EPHB1: variants seen among roughly 807,000 people sequenced by gnomAD.
EPHB1 encodes the protein ephrin type-B receptor 1.
EPHB1 carries 30 observed loss-of-function variants against 94.4 expected under a neutral mutation model. That is an observed-to-expected ratio of 0.32 (90% CI 0.24 to 0.43). The LOEUF is 0.43. Among genes scored for constraint, EPHB1 ranks in the 20% least tolerant of loss-of-function variants. The pLI is 1.00. For synonymous variants in EPHB1, 522 were observed against 489.1 expected (o/e 1.07, Z -0.89); for missense variants, 1,055 against 1,308.3 (o/e 0.81, Z 2.99).
At chr3:135,152,172 A>G (rs147153029) in intron 5 of EPHB1, among the ~76,000 whole-genome samples, 98 of 152,260 alleles carry the variant, frequency 6.4e-4, no homozygotes, top group Middle Eastern at 3.4e-3. Context: ...TTTTTTCAGC[A>G]GGAATAGCTC....
Position 135,162,159 on chromosome 3 carries a change from T to G in EPHB1, c.1564T>G (p.Cys522Gly). ...CTACGGCAAGTTCAGTGGCAAGATG[T>G]GCTTCCAGACTCTGACTGACGGTAA... is the stretch of plus-strand genomic sequence containing the variant. ...AGYGKFSGKM[C>G]FQTLTDDDYK... Residue 522 changes from cysteine to glycine, a missense_variant, in exon 7 of 16, where the codon TGC (cysteine) becomes GGC (glycine). Transcript: ENST00000398015. 1 of 1,608,708 alleles carries G rather than the reference T, an allele frequency of 6.2e-7. No homozygotes were observed. Among genetic ancestry groups the G allele is most frequent in the Non-Finnish European group, 8.5e-7 (1 of 1,176,930 alleles).
intron 6 of EPHB1, among the ~76,000 whole-genome samples, chr3:135,155,391 A>G (rs375793986): frequency 1.1e-4 from 17 of 152,256 alleles, no homozygotes; most frequent in Middle Eastern, 3.4e-3. Flanking sequence ...GTCCTGAGGC[A>G]TGATCATGAC....
At chr3:134,919,212 T>C (rs2038628867) in intron 1 of EPHB1, among the ~76,000 whole-genome samples, 1 of 152,132 alleles carries the variant, frequency 6.6e-6, no homozygotes, top group Non-Finnish European at 1.5e-5. Flanking sequence ...GCTGCTGAAG[T>C]TTCACAGCTG....
chr3:135,066,182 A>G (rs781771493), intron 3 of EPHB1, among the ~76,000 whole-genome samples: 1 of 152,186 alleles, frequency 6.6e-6, no homozygotes, highest in African/African-American at 2.4e-5. Flanking sequence ...TGCCTAGGCA[A>G]TGATCTTTTT....
intron 3 of EPHB1, among the ~76,000 whole-genome samples, chr3:135,101,462 G>A (rs1046532640): frequency 9.2e-5 from 14 of 151,578 alleles, no homozygotes; most frequent in Admixed American, 6.6e-4. Flanking sequence ...CAACCTCTGC[G>A]TCCTGGGTTC....
At chr3:134,962,866 G>A (rs1316174374) in intron 3 of EPHB1, among the ~76,000 whole-genome samples, 1 of 151,510 alleles carries the variant, frequency 6.6e-6, no homozygotes, top group Non-Finnish European at 1.5e-5. Flanking sequence ...CCCCAAATCA[G>A]TCTCATCCCC....
intron 1 of EPHB1, among the ~76,000 whole-genome samples, chr3:134,821,731 G>A (rs2036384551): frequency 6.6e-6 from 1 of 152,218 alleles, no homozygotes; most frequent in African/African-American, 2.4e-5. Flanking sequence ...TTTCTCTGCT[G>A]ATTCTTGGGT....
At chr3:135,244,426 A>ATCTTCTCAATAGCC (rs1233340449) in intron 13 of EPHB1, among the ~76,000 whole-genome samples, 6 of 152,138 alleles carry the variant, frequency 3.9e-5, no homozygotes, top group African/African-American at 1.4e-4. Context: ...CTAATCTTCA[A>ATCTTCTCAATAGCC]TCTTCTCAAT....
At position 135,249,331 on chromosome 3, in the gene EPHB1, A is replaced by C. The variant is rs1576500382; in HGVS notation, c.2691-5A>C. 6.2e-7 allele frequency: 1 copy of C among 1,609,044 alleles called. No homozygotes were observed. The highest frequency in any genetic ancestry group is 8.5e-7 in the Non-Finnish European group (1 of 1,177,824). ...GTGGTCACCTGCCCATCTCTGTCTC[A>C]CCAGGCCTTCCCAGCCCCTGCTCGA... is the stretch of plus-strand genomic sequence containing the variant. On this transcript the variant is annotated splice_polypyrimidine_tract_variant and splice_region_variant and intron_variant, in intron 14 of 15. Coordinates refer to ENST00000398015, the MANE Select transcript of EPHB1 (RefSeq NM_004441.5).
intron 3 of EPHB1, among the ~76,000 whole-genome samples, chr3:135,082,160 G>A (rs933835560): frequency 1.2e-4 from 19 of 152,172 alleles, no homozygotes; most frequent in South Asian, 4.1e-4. Context: ...GCCATGTTCC[G>A]TGGGAGAACT....
intron 1 of EPHB1, among the ~76,000 whole-genome samples, chr3:134,871,131 C>T (rs1399706): frequency 0.55 from 83,504 of 152,114 alleles, 25,675 homozygotes; most frequent in East Asian, 0.8. Context: ...CATAAGAATA[C>T]TTTGTCACTA....
At chr3:134,986,735 C>T (rs796945043) in intron 3 of EPHB1, among the ~76,000 whole-genome samples, 3 of 151,942 alleles carry the variant, frequency 2.0e-5, no homozygotes, top group African/African-American at 7.3e-5. Context: ...CACACACACA[C>T]ACACACACAT....
intron 12 of EPHB1, among the ~76,000 whole-genome samples, chr3:135,203,190 G>A (rs1474617757): frequency 6.6e-6 from 1 of 152,110 alleles, no homozygotes; most frequent in Non-Finnish European, 1.5e-5. Context: ...GACACAGGGA[G>A]ACATCACACA....
chr3:134,945,451 A>C (rs2039200335), intron 2 of EPHB1, among the ~76,000 whole-genome samples: 1 of 152,178 alleles, frequency 6.6e-6, no homozygotes, highest in South Asian at 2.1e-4. Context: ...TTTTTTTTCC[A>C]GATGGGCACC....
At chr3:134,989,257 A>G (rs1206635934) in intron 3 of EPHB1, among the ~76,000 whole-genome samples, 1 of 152,220 alleles carries the variant, frequency 6.6e-6, no homozygotes, top group Non-Finnish European at 1.5e-5. Context: ...CAGAGGGGGA[A>G]CATTACAAAT....
chr3:135,195,277 C>T (rs1396826448), intron 11 of EPHB1, among the ~76,000 whole-genome samples: 1 of 151,962 alleles, frequency 6.6e-6, no homozygotes, highest in African/African-American at 2.4e-5. Context: ...TTCTCATGAG[C>T]CTGCGGAAAA....
At chr3:135,157,859 A>G (rs867581715) in intron 6 of EPHB1, among the ~76,000 whole-genome samples, 52 of 152,368 alleles carry the variant, frequency 3.4e-4, no homozygotes, top group African/African-American at 1.2e-3. Context: ...CTTAAAGGAA[A>G]AAAAGTGTAT....
chr3:135,214,967 A>T (rs1398965535), intron 12 of EPHB1, among the ~76,000 whole-genome samples: 1 of 152,106 alleles, frequency 6.6e-6, no homozygotes, highest in Non-Finnish European at 1.5e-5. Flanking sequence ...AGTTCTCTTC[A>T]TCCATAAAAT....
chr3:134,976,618 C>T (rs1296241777), intron 3 of EPHB1, among the ~76,000 whole-genome samples: 2 of 152,182 alleles, frequency 1.3e-5, no homozygotes, highest in African/African-American at 4.8e-5. Flanking sequence ...ACCCCATCTC[C>T]TCCTCTATGC....
Sources: allele counts gnomAD v4.1 joint callset (sites outside exome capture counted in the v4.1 genomes callset), GRCh38; gene constraint gnomAD v4.1.1; transcripts MANE v1.5; gene names NCBI Gene and HGNC (gene_info 2026-07-23, HGNC 2026-07-21).